Variants in FHIT observed in about 807,000 individuals in gnomAD.
FHIT encodes the protein bis(5'-adenosyl)-triphosphatase.
Under a neutral mutation model 17.9 loss-of-function variants are expected in FHIT, and 19 were observed. The observed-to-expected ratio is 1.06, with a 90% confidence interval of 0.74 to 1.56. The LOEUF (loss-of-function observed/expected upper bound fraction) is 1.56. FHIT is among the 40% of genes most tolerant of loss of function. FHIT has a pLI of 0.00. For missense variants in FHIT, 248 were observed against 189.2 expected (o/e 1.31, Z -1.82); for synonymous variants, 81 against 69.7 (o/e 1.16, Z -0.81).
intron 7 of FHIT, among the ~76,000 whole-genome samples, chr3:59,987,574 T>C (rs1394193434): frequency 1.3e-5 from 2 of 152,056 alleles, no homozygotes; most frequent in South Asian, 2.1e-4. Context: ...CCCAGTTTTA[T>C]ACTGTAAGCT....
At chr3:60,504,220 G>A (rs1343015965) in intron 5 of FHIT, among the ~76,000 whole-genome samples, 2 of 152,146 alleles carry the variant, frequency 1.3e-5, no homozygotes, top group African/African-American at 4.8e-5. Context: ...CAGATCATGA[G>A]GTCAGGAGAT....
chr3:61,002,934 T>C (rs1373389607), intron 3 of FHIT, among the ~76,000 whole-genome samples: 1 of 152,126 alleles, frequency 6.6e-6, no homozygotes, highest in Admixed American at 6.5e-5. Flanking sequence ...AGTTCCTGGG[T>C]TGCACTTCAA....
chr3:60,865,837 C>G (rs1704135003), intron 3 of FHIT, among the ~76,000 whole-genome samples: 1 of 152,158 alleles, frequency 6.6e-6, no homozygotes, highest in Non-Finnish European at 1.5e-5. Context: ...TTAAGTAGCT[C>G]TACTGCTGCT....
At chr3:59,799,482 A>G (rs1699909910) in intron 8 of FHIT, among the ~76,000 whole-genome samples, 1 of 152,186 alleles carries the variant, frequency 6.6e-6, no homozygotes, top group South Asian at 2.1e-4. Context: ...TTTGTTCATG[A>G]GAAGTAGAGG....
chr3:60,781,923 A>T (rs1330316181), intron 4 of FHIT, among the ~76,000 whole-genome samples: 1 of 152,180 alleles, frequency 6.6e-6, no homozygotes, highest in East Asian at 1.9e-4. Flanking sequence ...TGGAATGATT[A>T]AATCAAGCTA....
chr3:60,754,932 G>T (rs137919398), intron 4 of FHIT, among the ~76,000 whole-genome samples: 2 of 152,188 alleles, frequency 1.3e-5, no homozygotes, highest in African/African-American at 4.8e-5. Flanking sequence ...AGATTGCAAG[G>T]TTGCAAGAGA....
At chr3:60,880,337 T>G (rs560570069) in intron 3 of FHIT, among the ~76,000 whole-genome samples, 9 of 152,326 alleles carry the variant, frequency 5.9e-5, no homozygotes, top group Admixed American at 5.9e-4. Context: ...AACAGGGAAT[T>G]CATCACCACT....
rs140269768 is a variant in FHIT, at chr3:60,328,561, A to T, written c.103+208299T>A. Among the ~76,000 whole-genome samples, 822 of 152,254 alleles carry T rather than the reference A, an allele frequency of 5.4e-3. 7 individuals carry two copies. Among genetic ancestry groups the T allele is most frequent in the African/African-American group, 0.019 (778 of 41,558 alleles). ...AGGAAAAACCTGCCCCCATGATTCA[A>T]TTACCTCCCACCAGGTCCCTCTCAC... On this transcript the variant is annotated intron_variant, in intron 5 of 9. Transcript: ENST00000492590.
At chr3:61,137,055 T>C (rs1321870415) in intron 2 of FHIT, among the ~76,000 whole-genome samples, 6 of 152,162 alleles carry the variant, frequency 3.9e-5, no homozygotes, top group African/African-American at 1.4e-4. Context: ...AATCTAGAGA[T>C]GCTTCCATGT....
intron 5 of FHIT, among the ~76,000 whole-genome samples, chr3:60,382,829 C>A (rs748518144): frequency 1.3e-5 from 2 of 152,166 alleles, no homozygotes; most frequent in Non-Finnish European, 2.9e-5. Flanking sequence ...GCACAGCATG[C>A]ATTTGGAATT....
chr3:60,021,642 GATA>G (rs1700557104), intron 5 of FHIT, among the ~76,000 whole-genome samples: 1 of 152,160 alleles, frequency 6.6e-6, no homozygotes, highest in South Asian at 2.1e-4. Context: ...TTTGAGTTAG[GATA>G]ATATCACCTC....
At chr3:60,915,507 G>C (rs1294163813) in intron 3 of FHIT, among the ~76,000 whole-genome samples, 4 of 152,172 alleles carry the variant, frequency 2.6e-5, no homozygotes, top group Non-Finnish European at 1.5e-5. Context: ...TCAATAGCCA[G>C]TGGATTTGAA....
At chr3:60,096,673 A>G (rs1351754231) in intron 5 of FHIT, among the ~76,000 whole-genome samples, 1 of 152,090 alleles carries the variant, frequency 6.6e-6, no homozygotes, top group African/African-American at 2.4e-5. Context: ...CCATTGGCAG[A>G]TTTCTGTTTT....
intron 8 of FHIT, among the ~76,000 whole-genome samples, chr3:59,817,429 G>A (rs1464410943): frequency 6.6e-6 from 1 of 151,874 alleles, no homozygotes; most frequent in Non-Finnish European, 1.5e-5. Context: ...CTTTTAGTAT[G>A]ATTTCCTGTG....
At chr3:60,174,041 G>C (rs1701556304) in intron 5 of FHIT, among the ~76,000 whole-genome samples, 2 of 149,672 alleles carry the variant, frequency 1.3e-5, no homozygotes, top group African/African-American at 4.9e-5. Context: ...AGCCTCCCGA[G>C]TAGCTGGGAT....
rs185343581 is a variant in FHIT at position 60,604,627 on chromosome 3, T to C, written c.-17-67648A>G. Among the ~76,000 whole-genome samples the C allele has an allele frequency of 7.5e-4, 114 of 152,286 alleles. 1 individual carries two copies. Among genetic ancestry groups the C allele is most frequent in the Non-Finnish European group, 2.2e-4 (15 of 68,022 alleles). On this transcript the variant is annotated intron_variant, in intron 4 of 9. Transcript: ENST00000492590. ...AGATAACAAATTATGTCATTTCTTA[T>C]AGCTCTATTCCACTCATCAGCTCCC... is the stretch of plus-strand genomic sequence containing the variant.
intron 5 of FHIT, among the ~76,000 whole-genome samples, chr3:60,328,233 G>C (rs1709794582): frequency 6.6e-6 from 1 of 152,164 alleles, no homozygotes; most frequent in Non-Finnish European, 1.5e-5. Context: ...CAGGGATCTA[G>C]ATGAGAGTGG....
At chr3:60,262,918 A>C (rs1205305108) in intron 5 of FHIT, among the ~76,000 whole-genome samples, 3 of 151,972 alleles carry the variant, frequency 2.0e-5, no homozygotes, top group Non-Finnish European at 4.4e-5. Flanking sequence ...GGCACAGTTT[A>C]GGAAATAAAA....
intron 5 of FHIT, among the ~76,000 whole-genome samples, chr3:60,074,224 A>T (rs188856572): frequency 3.3e-5 from 5 of 152,112 alleles, no homozygotes; most frequent in Non-Finnish European, 7.4e-5. Context: ...TACTGGGGAC[A>T]GTTTGGTACA....
Sources: gnomAD v4.1 joint callset for allele counts (sites outside exome capture counted in the v4.1 genomes callset) on GRCh38, gnomAD v4.1.1 for gene constraint, MANE v1.5 for transcripts, NCBI Gene and HGNC (gene_info 2026-07-23, HGNC 2026-07-21) for gene names.